The following FNDC3B variants were observed in gnomAD, a reference collection of about 807,000 sequenced individuals.
The protein encoded by FNDC3B is fibronectin type III domain containing 3B, also known as fibronectin type III domain-containing protein 3B.
In FNDC3B, 12 loss-of-function variants were observed where a neutral mutation model predicts 151.5. The observed-to-expected ratio is 0.08, with a 90% CI of 0.05 to 0.13. The LOEUF is 0.13. Among genes scored for constraint, FNDC3B ranks in the 10% least tolerant of loss-of-function variants. FNDC3B has a pLI of 1.00. For synonymous variants in FNDC3B, 528 were observed against 549.0 expected (o/e 0.96, Z 0.54); for missense variants, 1,214 against 1,505.3 (o/e 0.81, Z 3.20).
rs150181762 is a variant in FNDC3B at position 172,270,018 on chromosome 3, A to C, written c.791-15908A>C. Among the ~76,000 whole-genome samples, 668 of 152,352 alleles carry C rather than the reference A, an allele frequency of 4.4e-3. 7 individuals are homozygous for C. Among genetic ancestry groups the C allele is most frequent in the African/African-American group, 0.016 (645 of 41,588 alleles). On this transcript the variant is annotated intron_variant, in intron 6 of 25. Coordinates refer to ENST00000415807, the MANE Select transcript of FNDC3B (RefSeq NM_022763.4). Reference sequence around the variant, plus strand: ...AGTCACTTGAGTGGCAACTCTTCCTAGATATTAATACTGTATACAAAAAGT... The same window carrying C: ...AGTCACTTGAGTGGCAACTCTTCCTCGATATTAATACTGTATACAAAAAGT...
chr3:172,197,988 G>A (rs528687766), intron 3 of FNDC3B, among the ~76,000 whole-genome samples: 1 of 152,258 alleles, frequency 6.6e-6, no homozygotes, highest in South Asian at 2.1e-4. Flanking sequence ...TCAGATTGTT[G>A]ATTTATTCAT....
At chr3:172,255,826 C>A (rs989914575) in intron 6 of FNDC3B, among the ~76,000 whole-genome samples, 2 of 152,228 alleles carry the variant, frequency 1.3e-5, no homozygotes, top group African/African-American at 4.8e-5. Context: ...AGGGCACTTC[C>A]AGCTCTGAGT....
At chr3:172,213,175 A>G (rs1202289095) in intron 3 of FNDC3B, among the ~76,000 whole-genome samples, 2 of 152,174 alleles carry the variant, frequency 1.3e-5, no homozygotes, top group African/African-American at 2.4e-5. Flanking sequence ...GATTTTAGTA[A>G]CATTTCTGTG....
intron 2 of FNDC3B, among the ~76,000 whole-genome samples, chr3:172,116,762 C>T (rs1720276231): frequency 6.6e-6 from 1 of 152,106 alleles, no homozygotes; most frequent in Admixed American, 6.5e-5. Flanking sequence ...GATGGCATTT[C>T]ACCATGTTGG....
chr3:172,162,659 G>GT (rs35538458), intron 3 of FNDC3B, among the ~76,000 whole-genome samples: 3,786 of 135,034 alleles, frequency 0.028, 83 homozygotes, highest in African/African-American at 0.063. Flanking sequence ...TTATTACCTG[G>GT]TTTTTTTTTT....
chr3:172,289,127 T>G (rs1325518340), intron 7 of FNDC3B, among the ~76,000 whole-genome samples: 2 of 152,182 alleles, frequency 1.3e-5, no homozygotes. Context: ...GTAATCAAGG[T>G]GTTGGCAGGG....
intron 3 of FNDC3B, among the ~76,000 whole-genome samples, chr3:172,146,216 T>C (rs938300210): frequency 2.0e-5 from 3 of 152,234 alleles, no homozygotes; most frequent in Non-Finnish European, 4.4e-5. Flanking sequence ...GTTAATTTAT[T>C]CTTAGTTAAT....
intron 3 of FNDC3B, among the ~76,000 whole-genome samples, chr3:172,206,684 A>AAAAAAAAAAAAAG (rs1553772985): frequency 7.2e-6 from 1 of 139,454 alleles, no homozygotes; most frequent in African/African-American, 2.8e-5. Context: ...AAAAAAAAAA[A>AAAAAAAAAAAAAG]AAAGTATATT....
At chr3:172,062,975 A>ATT (rs1283001921) in intron 1 of FNDC3B, among the ~76,000 whole-genome samples, 1 of 152,192 alleles carries the variant, frequency 6.6e-6, no homozygotes, top group Non-Finnish European at 1.5e-5. Flanking sequence ...AGGAAGTGAA[A>ATT]TTGGTGTATG....
chr3:172,324,200 T>C (rs1194347184), intron 11 of FNDC3B, among the ~76,000 whole-genome samples: 1 of 151,964 alleles, frequency 6.6e-6, no homozygotes, highest in Non-Finnish European at 1.5e-5. Flanking sequence ...GGCAAAGCCC[T>C]TTCTCCCTTC....
chr3:172,292,260 G>A (rs1353776899), intron 7 of FNDC3B, among the ~76,000 whole-genome samples: 3 of 152,302 alleles, frequency 2.0e-5, no homozygotes, highest in Middle Eastern at 3.4e-3. Context: ...CACAGAAACC[G>A]CTTTCCTTTG....
At chr3:172,179,872 A>C (rs957443046) in intron 3 of FNDC3B, among the ~76,000 whole-genome samples, 6 of 151,084 alleles carry the variant, frequency 4.0e-5, no homozygotes, top group African/African-American at 1.5e-4. Context: ...AAAAAAAAAA[A>C]AAAAAAAAAA....
chr3:172,139,694 C>T (rs1191289009), intron 3 of FNDC3B, among the ~76,000 whole-genome samples: 1 of 151,850 alleles, frequency 6.6e-6, no homozygotes, highest in Non-Finnish European at 1.5e-5. Flanking sequence ...CTTCCTATTA[C>T]AAGATTAGGA....
At chr3:172,078,932 G>A (rs1718155741) in intron 1 of FNDC3B, among the ~76,000 whole-genome samples, 1 of 152,194 alleles carries the variant, frequency 6.6e-6, no homozygotes, top group Admixed American at 6.5e-5. Context: ...TACACGATCT[G>A]TTGATACAGG....
Position 172,335,066 on chromosome 3 carries a change from C to G in FNDC3B, c.1764C>G (p.Gly588=). 1 of 1,603,028 alleles carries G rather than the reference C, an allele frequency of 6.2e-7. No homozygotes were observed. The highest frequency in any genetic ancestry group is 8.5e-7 in the Non-Finnish European group (1 of 1,175,238). Residue 588 remains glycine (G), a synonymous_variant, in exon 15 of 26, where the codon GGC becomes GGG. Transcript: ENST00000415807. Reference sequence around the variant, plus strand: ...TCAAAGGCCCAGTTACATCTCATGGCTTTAGTGTCAAATGGGGTATGTTTT... The same window carrying G: ...TCAAAGGCCCAGTTACATCTCATGGGTTTAGTGTCAAATGGGGTATGTTTT... ...PLVKGPVTSH[G]FSVKWDPPKD...
chr3:172,346,561 T>TTC (rs1553794239), intron 20 of FNDC3B, 121 bp downstream of exon 20: 13 of 601,684 alleles, frequency 2.2e-5, no homozygotes, highest in African/African-American at 1.1e-4. Flanking sequence ...TTTTTTTTTT[T>TTC]GCTCTGTGTA....
intron 23 of FNDC3B, among the ~76,000 whole-genome samples, chr3:172,365,545 G>A (rs951843506): frequency 6.6e-6 from 1 of 152,188 alleles, no homozygotes; most frequent in Non-Finnish European, 1.5e-5. Context: ...CTTGGCTCAA[G>A]ACAACCCAAC....
intron 3 of FNDC3B, among the ~76,000 whole-genome samples, chr3:172,159,691 A>T (rs1446916164): frequency 6.6e-6 from 1 of 152,170 alleles, no homozygotes; most frequent in African/African-American, 2.4e-5. Flanking sequence ...TGAAGTCTAG[A>T]TCTTTGGGTT....
chr3:172,290,213 T>A (rs1730255013), intron 7 of FNDC3B, among the ~76,000 whole-genome samples: 1 of 152,220 alleles, frequency 6.6e-6, no homozygotes, highest in Admixed American at 6.5e-5. Flanking sequence ...GGTGCAGAAC[T>A]TGTGGATTCC....
Sources: gnomAD v4.1 joint callset for allele counts (sites outside exome capture counted in the v4.1 genomes callset) on GRCh38, gnomAD v4.1.1 for gene constraint, MANE v1.5 for transcripts, NCBI Gene and HGNC (gene_info 2026-07-23, HGNC 2026-07-21) for gene names.